SNX10: variants seen among roughly 807,000 people sequenced by gnomAD.
The protein encoded by SNX10 is sorting nexin 10.
SNX10 carries 25 observed loss-of-function variants against 28.5 expected under a neutral mutation model. The ratio of observed to expected loss-of-function variants is 0.88; its 90% CI spans 0.64 to 1.22. The LOEUF is 1.22. SNX10 is among the 50% of genes most tolerant of loss of function. SNX10 has a pLI of 0.00. For missense variants in SNX10, 223 were observed against 242.6 expected (o/e 0.92, Z 0.54); for synonymous variants, 62 against 81.4 (o/e 0.76, Z 1.28).
At chr7:26,324,394 G>T (rs1396636332) in intron 1 of SNX10, among the ~76,000 whole-genome samples, 1 of 152,154 alleles carries the variant, frequency 6.6e-6, no homozygotes, top group Non-Finnish European at 1.5e-5. Context: ...GGGTCTTGCA[G>T]TGTCACCCAG....
intron 1 of SNX10, among the ~76,000 whole-genome samples, chr7:26,297,034 A>T (rs2127992311): frequency 6.6e-6 from 1 of 152,350 alleles, no homozygotes; most frequent in East Asian, 1.9e-4. Flanking sequence ...CCATTTAAAG[A>T]TTAAATGTCA....
chr7:26,362,847 A>G (rs1423588003), intron 3 of SNX10, among the ~76,000 whole-genome samples: 1 of 152,010 alleles, frequency 6.6e-6, no homozygotes, highest in East Asian at 1.9e-4. Flanking sequence ...CATCATAAAT[A>G]CTCCCCTGAA....
chr7:26,336,708 A>G (rs1353118413), intron 1 of SNX10, among the ~76,000 whole-genome samples: 2 of 152,188 alleles, frequency 1.3e-5, no homozygotes, highest in Non-Finnish European at 2.9e-5. Flanking sequence ...GTCTCAAAAA[A>G]TAACAACAAA....
intron 1 of SNX10, among the ~76,000 whole-genome samples, chr7:26,296,425 A>G (rs1471479333): frequency 3.9e-5 from 6 of 152,060 alleles, no homozygotes; most frequent in Admixed American, 3.9e-4. Context: ...TCGAGGTAGG[A>G]GGATCACTTG....
chr7:26,319,556 C>T (rs1050776763), intron 1 of SNX10, among the ~76,000 whole-genome samples: 1 of 152,176 alleles, frequency 6.6e-6, no homozygotes, highest in Non-Finnish European at 1.5e-5. Context: ...TTTTGTCTAT[C>T]AGCATCTGAT....
chr7:26,356,674 C>T (rs1403635925), intron 2 of SNX10, among the ~76,000 whole-genome samples: 1 of 152,162 alleles, frequency 6.6e-6, no homozygotes, highest in African/African-American at 2.4e-5. Flanking sequence ...ACTAGGCCAA[C>T]AAATTGTTGC....
At chr7:26,323,724 G>C (rs151151449) in intron 1 of SNX10, among the ~76,000 whole-genome samples, 1 of 152,304 alleles carries the variant, frequency 6.6e-6, no homozygotes, top group Non-Finnish European at 1.5e-5. Flanking sequence ...ATCGTGTGGG[G>C]CAAGACTGCA....
intron 1 of SNX10, among the ~76,000 whole-genome samples, chr7:26,310,708 G>C: frequency 6.7e-6 from 1 of 150,206 alleles, no homozygotes; most frequent in East Asian, 2.0e-4. Flanking sequence ...TTGAGACAGA[G>C]TCTCGCTCTG....
chr7:26,367,169 G>GA, intron 5 of SNX10, among the ~76,000 whole-genome samples: 1 of 152,092 alleles, frequency 6.6e-6, no homozygotes. Flanking sequence ...AAAAGGACTT[G>GA]AAAAAAACTC....
chr7:26,365,258 C>A, intron 5 of SNX10, 113 bp downstream of exon 5: 1 of 654,960 alleles, frequency 1.5e-6, no homozygotes, highest in Non-Finnish European at 2.8e-6. Flanking sequence ...AAATAATCTG[C>A]ACTAGAGCAA....
At chr7:26,326,722 T>C (rs1415387456) in intron 1 of SNX10, among the ~76,000 whole-genome samples, 2 of 152,190 alleles carry the variant, frequency 1.3e-5, no homozygotes, top group Non-Finnish European at 2.9e-5. Flanking sequence ...TTTTTAAATA[T>C]AATTTTATTT....
At chr7:26,313,304 C>T (rs1786926800) in intron 1 of SNX10, among the ~76,000 whole-genome samples, 2 of 152,224 alleles carry the variant, frequency 1.3e-5, no homozygotes, top group Non-Finnish European at 2.9e-5. Context: ...TATTGTTAGC[C>T]ATAGGCGCAA....
chr7:26,336,202 T>G (rs1185040338), intron 1 of SNX10, among the ~76,000 whole-genome samples: 2 of 152,166 alleles, frequency 1.3e-5, no homozygotes, highest in Non-Finnish European at 2.9e-5. Flanking sequence ...AGGTTTTACT[T>G]TCTTTTAAAA....
At chr7:26,361,135 A>G (rs948310578) in intron 3 of SNX10, 74 bp downstream of exon 3, 5 of 1,443,858 alleles carry the variant, frequency 3.5e-6, no homozygotes, top group African/African-American at 1.5e-5. Flanking sequence ...TAAAGTTGAC[A>G]CTTGTAAAAG....
At chr7:26,368,513 A>G (rs1269801593) in intron 5 of SNX10, among the ~76,000 whole-genome samples, 1 of 152,176 alleles carries the variant, frequency 6.6e-6, no homozygotes, top group Non-Finnish European at 1.5e-5. Flanking sequence ...GGGATTTTCA[A>G]TTTAGGTTTG....
intron 1 of SNX10, among the ~76,000 whole-genome samples, chr7:26,345,346 G>A (rs1788339960): frequency 1.3e-5 from 2 of 152,130 alleles, no homozygotes; most frequent in East Asian, 1.9e-4. Context: ...TTGCTCCTCC[G>A]CTCCCCTGGA....
chr7:26,333,327 T>C (rs893613962), intron 1 of SNX10, among the ~76,000 whole-genome samples: 31 of 143,480 alleles, frequency 2.2e-4, no homozygotes, highest in Admixed American at 6.9e-4. Context: ...TTATTCTTTT[T>C]TTTTTTTTTT....
In SNX10 at chr7:26,364,405, A is replaced by C; in HGVS notation, c.112-130A>C. The C allele has an allele frequency of 7.2e-7, 1 of 1,396,078 alleles. No individual in the cohort carries two copies. Among genetic ancestry groups the C allele is most frequent in the Non-Finnish European group, 9.3e-7 (1 of 1,073,686 alleles). 86.5% of individuals were successfully genotyped at this position (1,396,078 alleles called of 1,614,324 possible). On this transcript the variant is annotated intron_variant, in intron 3 of 6. Transcript: ENST00000338523. This position sits in a 1 kb window ranked among gnomAD's most constrained non-coding sequence, Gnocchi z 4.9. ...GTGCAAGATTTCAGAGTACTGGCAT[A>C]AATATAAATATATGTTTGGTGGTTT... is the stretch of plus-strand genomic sequence containing the variant.
At chr7:26,309,358 C>T (rs10499574) in intron 1 of SNX10, among the ~76,000 whole-genome samples, 50,590 of 146,858 alleles carry the variant, frequency 0.34, 10,587 homozygotes, top group South Asian at 0.49. Context: ...AGGAGTGTTA[C>T]TTAATCATCC....
Sources: allele counts gnomAD v4.1 joint callset (sites outside exome capture counted in the v4.1 genomes callset), GRCh38; gene constraint gnomAD v4.1.1; non-coding constraint Gnocchi (gnomAD v3.1); transcripts MANE v1.5; gene names NCBI Gene and HGNC (gene_info 2026-07-23, HGNC 2026-07-21).